Variants in PTPRD observed in about 807,000 individuals in gnomAD.
The protein encoded by PTPRD is receptor-type tyrosine-protein phosphatase delta.
PTPRD carries 34 observed loss-of-function variants against 214.5 expected under a neutral mutation model. The observed-to-expected ratio is 0.16, with a 90% CI of 0.12 to 0.21. The LOEUF is 0.21. Among genes scored for constraint, PTPRD ranks in the 10% least tolerant of loss-of-function variants. PTPRD has a pLI of 1.00. For synonymous variants in PTPRD, 1,128 were observed against 845.7 expected, an observed-to-expected ratio of 1.33 and a Z score of -5.79; for missense variants, 2,545 against 2,398.7, an observed-to-expected ratio of 1.06 and a Z score of -1.27.
chr9:10,223,753 C>T (rs944637053), intron 3 of PTPRD, among the ~76,000 whole-genome samples: 28 of 149,190 alleles, frequency 1.9e-4, no homozygotes, highest in African/African-American at 6.6e-4. Flanking sequence ...TTAAAACAAA[C>T]AATAAAACCT....
intron 11 of PTPRD, among the ~76,000 whole-genome samples, chr9:8,925,059 C>T (rs528770922): frequency 6.6e-6 from 1 of 152,228 alleles, no homozygotes; most frequent in Admixed American, 6.5e-5. Context: ...GCAATTCTTC[C>T]TGCTCTTTTT....
chr9:8,348,297 A>G (rs1490693190), intron 39 of PTPRD, among the ~76,000 whole-genome samples: 3 of 152,106 alleles, frequency 2.0e-5, no homozygotes, highest in Non-Finnish European at 4.4e-5. Context: ...TGATGCATCT[A>G]TTGGTTGGCT....
At chr9:8,331,089 T>TGATATAGCAACAA (rs993770418) in intron 44 of PTPRD, among the ~76,000 whole-genome samples, 2 of 143,234 alleles carry the variant, frequency 1.4e-5, no homozygotes, top group African/African-American at 5.8e-5. Flanking sequence ...CTTCATTTTC[T>TGATATAGCAACAA]GATATAGCAA....
In PTPRD at chr9:8,986,496, A is replaced by G. The variant is rs145237600; in HGVS notation, c.-104+32201T>C. 5.6e-3 allele frequency among the ~76,000 whole-genome samples: 845 copies of G among 151,676 alleles called. 2 individuals are homozygous for G. The highest frequency in any genetic ancestry group is 0.019 in the African/African-American group (777 of 41,344). ...TTCTTATTTTATATACCTCATAAAT[A>G]GTTTAGTATCTTTACTTTTCATTCA... On this transcript the variant is annotated intron_variant, in intron 11 of 45. Transcript: ENST00000381196.
intron 10 of PTPRD, among the ~76,000 whole-genome samples, chr9:9,059,887 G>A (rs972421624): frequency 3.3e-5 from 5 of 152,086 alleles, no homozygotes; most frequent in African/African-American, 1.2e-4. Flanking sequence ...ACATCATTTT[G>A]AAGAGAAACA....
At chr9:8,883,682 C>T (rs1399648968) in intron 11 of PTPRD, among the ~76,000 whole-genome samples, 1 of 152,164 alleles carries the variant, frequency 6.6e-6, no homozygotes, top group African/African-American at 2.4e-5. Flanking sequence ...CTCCCCTGTG[C>T]TTCTGAAGAG....
intron 9 of PTPRD, among the ~76,000 whole-genome samples, chr9:9,356,274 C>CA (rs2053747956): frequency 6.6e-6 from 1 of 151,026 alleles, no homozygotes; most frequent in Non-Finnish European, 1.5e-5. Context: ...GTTATAGAAA[C>CA]AACCTAGTAG....
At chr9:8,364,497 A>G (rs2079291233) in intron 39 of PTPRD, among the ~76,000 whole-genome samples, 1 of 152,200 alleles carries the variant, frequency 6.6e-6, no homozygotes, top group Admixed American at 6.5e-5. Context: ...GGGCCTCCCA[A>G]GCATATCGAC....
chr9:10,376,658 A>G (rs1304107956), intron 2 of PTPRD, among the ~76,000 whole-genome samples: 1 of 151,910 alleles, frequency 6.6e-6, no homozygotes, highest in Non-Finnish European at 1.5e-5. Flanking sequence ...CTATTTAAAT[A>G]CAGAGCCATG....
intron 8 of PTPRD, among the ~76,000 whole-genome samples, chr9:9,490,632 C>T (rs2095854637): frequency 6.6e-6 from 1 of 151,884 alleles, no homozygotes. Flanking sequence ...TTTTCTATGT[C>T]ATGAAGTTAA....
At chr9:9,340,574 G>A (rs779299850) in intron 9 of PTPRD, among the ~76,000 whole-genome samples, 6 of 152,190 alleles carry the variant, frequency 3.9e-5, no homozygotes, top group Non-Finnish European at 7.3e-5. Context: ...TACTGCTACA[G>A]ACTTGGTGGG....
At chr9:9,111,004 G>A (rs1478980155) in intron 10 of PTPRD, among the ~76,000 whole-genome samples, 1 of 151,990 alleles carries the variant, frequency 6.6e-6, no homozygotes, top group Non-Finnish European at 1.5e-5. Flanking sequence ...CGATCTCTGT[G>A]ATTGGCACTG....
At chr9:9,880,034 C>G (rs1600706313) in intron 5 of PTPRD, among the ~76,000 whole-genome samples, 1 of 152,112 alleles carries the variant, frequency 6.6e-6, no homozygotes, top group African/African-American at 2.4e-5. Flanking sequence ...ACTCTAATCC[C>G]CACATGTCGA....
chr9:9,683,764 G>A (rs192948429), intron 7 of PTPRD, among the ~76,000 whole-genome samples: 2 of 151,770 alleles, frequency 1.3e-5, no homozygotes, highest in South Asian at 4.1e-4. Context: ...AAATAGCATT[G>A]TGAGATATAA....
chr9:8,420,271 A>C (rs1402735820), intron 35 of PTPRD, among the ~76,000 whole-genome samples: 1 of 152,212 alleles, frequency 6.6e-6, no homozygotes, highest in African/African-American at 2.4e-5. Flanking sequence ...GTAAGAGCTT[A>C]GTAAATATCT....
intron 8 of PTPRD, among the ~76,000 whole-genome samples, chr9:9,463,745 A>G (rs1168588238): frequency 1.3e-5 from 2 of 152,002 alleles, no homozygotes; most frequent in African/African-American, 2.4e-5. Context: ...AACTGGCCCA[A>G]TTTTCTGATA....
chr9:10,482,097 C>A (rs13296836), intron 2 of PTPRD, among the ~76,000 whole-genome samples: 55 of 152,220 alleles, frequency 3.6e-4, no homozygotes, highest in Non-Finnish European at 6.3e-4. Context: ...GTTGGCCGGG[C>A]GCGGTGGCTC....
intron 10 of PTPRD, among the ~76,000 whole-genome samples, chr9:9,043,054 T>C (rs1462756716): frequency 6.6e-6 from 1 of 152,208 alleles, no homozygotes; most frequent in Non-Finnish European, 1.5e-5. Flanking sequence ...TGGTTCTTTA[T>C]AGTTCTCTTG....
rs2092638317 is a variant in PTPRD, at chr9:9,590,711, C to A, written c.-286-15930G>T. Reference sequence around the variant, plus strand: ...GAGCATGAGCTTGAACCATTCTTACCCAAAATCTGAATCTTAGGCATATTA... The same window carrying A: ...GAGCATGAGCTTGAACCATTCTTACACAAAATCTGAATCTTAGGCATATTA... On this transcript the variant is annotated intron_variant, in intron 7 of 45. Coordinates refer to ENST00000381196, the MANE Select transcript of PTPRD (RefSeq NM_002839.4). 2.6e-5 allele frequency among the ~76,000 whole-genome samples: 4 copies of A among 151,606 alleles called. No individual in the cohort carries two copies. In the South Asian group the frequency reaches 8.3e-4, roughly 32 times the overall value.
Sources: gnomAD v4.1 joint callset for allele counts (sites outside exome capture counted in the v4.1 genomes callset) on GRCh38, gnomAD v4.1.1 for gene constraint, MANE v1.5 for transcripts, NCBI Gene and HGNC (gene_info 2026-07-23, HGNC 2026-07-21) for gene names.